The following NPM1 variants were observed in gnomAD, a reference collection of about 807,000 sequenced individuals.
NPM1 encodes the protein nucleophosmin.
A neutral mutation model predicts 44.1 loss-of-function variants in NPM1; 1 was observed. The ratio of observed to expected loss-of-function variants is 0.02; its 90% CI spans 0.01 to 0.11. The LOEUF (loss-of-function observed/expected upper bound fraction) is 0.11, where lower values mean the gene tolerates loss of function less well. Among genes scored for constraint, NPM1 ranks in the 10% least tolerant of loss-of-function variants. The probability of loss-of-function intolerance (pLI) is 1.00; values close to 1 mark genes in which losing one functional copy is unlikely to be tolerated. For missense variants in NPM1, 197 were observed against 347.8 expected, an observed-to-expected ratio of 0.57 and a Z score of 3.45; for synonymous variants, 126 against 111.8, an observed-to-expected ratio of 1.13 and a Z score of -0.80.
Position 171,400,137 on chromosome 5 carries a change from G to T in NPM1, c.525-16G>T. On this transcript the variant is annotated splice_polypyrimidine_tract_variant and intron_variant, in intron 6 of 10. Coordinates refer to ENST00000296930, the MANE Select transcript of NPM1 (RefSeq NM_002520.7). ...AAATTTTGAAAGTGCTTAATGTCTT[G>T]ACATTTCATTTGTAGTGATGATGAT... The T allele has an allele frequency of 6.9e-7, 1 of 1,457,834 alleles. No homozygotes were observed. Among genetic ancestry groups the T allele is most frequent in the South Asian group, 1.1e-5 (1 of 87,924 alleles). The allele number at this position is 1,457,834 out of a possible 1,614,324, so 90.3% of individuals were successfully genotyped here.
chr5:171,389,801 A>G (rs1353880437), intron 1 of NPM1, among the ~76,000 whole-genome samples: 4 of 152,224 alleles, frequency 2.6e-5, no homozygotes, highest in Non-Finnish European at 5.9e-5. Context: ...TTTATGCAGA[A>G]TAACAGTACC....
chr5:171,405,120 C>T (rs1771493440), intron 8 of NPM1, among the ~76,000 whole-genome samples, 182 bp from the exon 9 acceptor site: 1 of 152,080 alleles, frequency 6.6e-6, no homozygotes, highest in African/African-American at 2.4e-5. Flanking sequence ...TTATTCCTTC[C>T]TTAAAGGAAA....
intron 6 of NPM1, among the ~76,000 whole-genome samples, chr5:171,399,930 G>T (rs965400422): frequency 1.3e-5 from 2 of 152,068 alleles, no homozygotes; most frequent in African/African-American, 2.4e-5. Flanking sequence ...ATTTCACTTT[G>T]TTCAAGGTTC....
At chr5:171,394,778 T>C (rs59975074) in intron 6 of NPM1, among the ~76,000 whole-genome samples, 5,770 of 152,308 alleles carry the variant, frequency 0.038, 183 homozygotes, top group Admixed American at 0.1. Context: ...TTTAATAGCA[T>C]TCACCGAGGC....
chr5:171,405,168 A>C (rs193236335), intron 8 of NPM1, 134 bp from the exon 9 acceptor site: 6 of 611,204 alleles, frequency 9.8e-6, no homozygotes, highest in Non-Finnish European at 1.8e-5. Flanking sequence ...GAATTTATTG[A>C]TGATAATTCC....
chr5:171,398,488 C>CTT (rs1771027161), intron 6 of NPM1, among the ~76,000 whole-genome samples: 2 of 152,128 alleles, frequency 1.3e-5, no homozygotes, highest in Non-Finnish European at 2.9e-5. Flanking sequence ...AAAAGAGTCA[C>CTT]TTATGGCTGG....
rs1258891222 is a variant in NPM1, at chr5:171,390,047, A to G, written c.59-4A>G. 6.5e-7 allele frequency: 1 copy of G among 1,532,138 alleles called. No homozygotes were observed. The highest frequency in any genetic ancestry group is 2.0e-5 in the Admixed American group (1 of 51,260). 94.9% of individuals were successfully genotyped at this position (1,532,138 alleles called of 1,614,324 possible). A position where few individuals can be genotyped will look rare whatever the true frequency, so the allele number is the denominator to read the frequency against. ...GTTAGAGTTGCTTTTTTCTTCATTT[A>G]CAGGTTGTGAACTAAAGGCCGACAA... On this transcript the variant is annotated splice_region_variant and splice_polypyrimidine_tract_variant and intron_variant, in intron 1 of 10. Transcript: ENST00000296930.
At chr5:171,406,754 G>C (rs1771593309) in intron 9 of NPM1, 1 of 1,083,766 alleles carries the variant, frequency 9.2e-7, no homozygotes. Context: ...CAATAATTTT[G>C]AAATGGAAAT....
At chr5:171,391,201 T>C (rs1236746960) in intron 2 of NPM1, 104 bp from the exon 3 acceptor site, 2 of 1,292,050 alleles carry the variant, frequency 1.5e-6, no homozygotes, top group African/African-American at 1.5e-5. Context: ...TCTCAGAACC[T>C]AGCCCTGTGG....
At chr5:171,406,726 A>T (rs1771591980) in intron 9 of NPM1, 1 of 1,156,138 alleles carries the variant, frequency 8.6e-7, no homozygotes, top group Non-Finnish European at 1.1e-6. Context: ...TGAATGCATC[A>T]ATTAAGAATG....
In NPM1 at chr5:171,410,509, C is replaced by CTTTT; in HGVS notation, c.847-8_847-5dup. 4 of 1,229,842 alleles carry CTTTT rather than the reference C, an allele frequency of 3.3e-6. No homozygotes were observed. The highest frequency in any genetic ancestry group is 3.3e-6 in the Non-Finnish European group (3 of 896,198). The allele number at this position is 1,229,842 out of a possible 1,614,324, so 76.2% of individuals were successfully genotyped here. Reference sequence around the variant, plus strand: ...GTGTTGTGGTTCCTTAACCACATTTCTTTTTTTTTTTTTCCAGGCTATTCA... The same window carrying CTTTT: ...GTGTTGTGGTTCCTTAACCACATTTCTTTTTTTTTTTTTTTTTCCAGGCTATTCA... On this transcript the variant is annotated splice_polypyrimidine_tract_variant and intron_variant, in intron 10 of 10. Transcript: ENST00000296930.
At chr5:171,407,665 T>A (rs138722129) in intron 9 of NPM1, 35 bp from the exon 10 acceptor site, 1 of 1,216,260 alleles carries the variant, frequency 8.2e-7, no homozygotes, top group Non-Finnish European at 1.2e-6. Flanking sequence ...GGTGTATTTC[T>A]CTACTTACCT....
intron 1 of NPM1, among the ~76,000 whole-genome samples, chr5:171,389,526 T>A (rs1770460983): frequency 6.6e-6 from 1 of 152,206 alleles, no homozygotes; most frequent in Non-Finnish European, 1.5e-5. Flanking sequence ...AATTTCTGAA[T>A]ATAGTTTGAG....
chr5:171,400,111 C>A lies in NPM1; in HGVS notation c.525-42C>A, dbSNP rs6555952. 0.39 allele frequency: 463,368 copies of A among 1,187,012 alleles called. 92,083 individuals carry two copies. Among genetic ancestry groups the A allele is most frequent in the East Asian group, 0.55 (23,326 of 42,526 alleles). 73.5% of individuals were successfully genotyped at this position (1,187,012 alleles called of 1,614,324 possible). A position where few individuals can be genotyped will look rare whatever the true frequency, so the allele number is the denominator to read the frequency against. On this transcript the variant is annotated intron_variant, in intron 6 of 10. Coordinates refer to ENST00000296930, the MANE Select transcript of NPM1 (RefSeq NM_002520.7). ...TGCTTTCAATTCTTGTGTCTACTCC[C>A]AAATTTTGAAAGTGCTTAATGTCTT...
chr5:171,401,030 C>A (rs1771170303), intron 8 of NPM1, 105 bp downstream of exon 8: 2 of 769,596 alleles, frequency 2.6e-6, no homozygotes, highest in Admixed American at 2.1e-5. Context: ...CTTTATAGAA[C>A]CCCTGTAATT....
At chr5:171,393,088 C>T (rs1224135357) in intron 6 of NPM1, 110 bp downstream of exon 6, 9 of 1,377,092 alleles carry the variant, frequency 6.5e-6, no homozygotes, top group Non-Finnish European at 8.8e-6. Context: ...AAAAAGCCAT[C>T]CTATGTAATA....
upstream of NPM1, chr5:171,387,569 G>T: frequency 3.9e-6 from 1 of 254,896 alleles, no homozygotes; most frequent in Non-Finnish European, 7.6e-6. Context: ...GGAAGGGTTG[G>T]AGGTGGGGAG....
chr5:171,403,712 C>G (rs1162141922), intron 8 of NPM1, among the ~76,000 whole-genome samples: 33 of 134,026 alleles, frequency 2.5e-4, no homozygotes, highest in East Asian at 6.9e-4. Flanking sequence ...CCCTCCCGGA[C>G]AGGGCGGCCG....
rs183605133 is a variant in NPM1 at position 171,390,658 on chromosome 5, A to G, written c.138+528A>G. Among the ~76,000 whole-genome samples the G allele has an allele frequency of 1.1e-4, 17 of 152,288 alleles. No homozygotes were observed. In the East Asian group the frequency reaches 3.1e-3, roughly 28 times the overall value. On this transcript the variant is annotated intron_variant, in intron 2 of 10. Transcript: ENST00000296930. The stretch of plus-strand genomic sequence containing the variant: ...GTGCCTCATTGCAACTGCTGGGTCA[A>G]CAGATGGATCGCATATACAATGGTG...
Sources: gnomAD v4.1 joint callset for allele counts (sites outside exome capture counted in the v4.1 genomes callset) on GRCh38, gnomAD v4.1.1 for gene constraint, MANE v1.5 for transcripts, NCBI Gene and HGNC (gene_info 2026-07-23, HGNC 2026-07-21) for gene names.